Variants in PLD1 observed in about 807,000 individuals in gnomAD.
PLD1 encodes the protein phospholipase D1.
PLD1 carries 112 observed loss-of-function variants against 137.1 expected under a neutral mutation model. The ratio of observed to expected loss-of-function variants is 0.82; its 90% confidence interval spans 0.70 to 0.96. The LOEUF (loss-of-function observed/expected upper bound fraction) is 0.96, where lower values mean the gene tolerates loss of function less well. Ranked by LOEUF, PLD1 falls within the 40% of genes least tolerant of loss-of-function variation. The pLI is 0.00. For synonymous variants in PLD1, 431 were observed against 454.7 expected (o/e 0.95, Z 0.66); for missense variants, 1,321 against 1,342.0 (o/e 0.98, Z 0.24).
At chr3:171,681,603 GT>G (rs1229565895) in intron 16 of PLD1, among the ~76,000 whole-genome samples, 1 of 151,970 alleles carries the variant, frequency 6.6e-6, no homozygotes, top group African/African-American at 2.4e-5. Flanking sequence ...AAATATTTTG[GT>G]TTTCAAAATT....
intron 16 of PLD1, among the ~76,000 whole-genome samples, chr3:171,684,055 G>C (rs1262256219): frequency 6.6e-6 from 1 of 152,090 alleles, no homozygotes; most frequent in African/African-American, 2.4e-5. Flanking sequence ...CAGTTTATCA[G>C]TGAGGGGTTG....
chr3:171,791,382 T>A (rs1723205803), intron 1 of PLD1, among the ~76,000 whole-genome samples: 1 of 152,192 alleles, frequency 6.6e-6, no homozygotes, highest in Admixed American at 6.5e-5. Flanking sequence ...AGCCTATAAT[T>A]CAGTTCAGGA....
chr3:171,775,459 GAATA>G (rs1258176141), intron 1 of PLD1, among the ~76,000 whole-genome samples: 1 of 152,084 alleles, frequency 6.6e-6, no homozygotes, highest in African/African-American at 2.4e-5. Context: ...TAATTTTACA[GAATA>G]AATATTCTGT....
intron 21 of PLD1, among the ~76,000 whole-genome samples, chr3:171,645,311 T>TA (rs1359806520): frequency 6.6e-6 from 1 of 152,124 alleles, no homozygotes; most frequent in African/African-American, 2.4e-5. Flanking sequence ...AAATGCAGTG[T>TA]AAGAAATCCT....
chr3:171,605,248 G>C (rs371142278), intron 26 of PLD1, 51 bp downstream of exon 26: 2 of 1,006,152 alleles, frequency 2.0e-6, no homozygotes, highest in Admixed American at 1.7e-5. Flanking sequence ...TATGCTTTTT[G>C]TGATGAGATT....
At chr3:171,787,954 C>T (rs1374142377) in intron 1 of PLD1, among the ~76,000 whole-genome samples, 2 of 151,904 alleles carry the variant, frequency 1.3e-5, no homozygotes, top group Non-Finnish European at 2.9e-5. Context: ...TGCCTATACT[C>T]CCAGCACTTT....
intron 23 of PLD1, among the ~76,000 whole-genome samples, chr3:171,640,894 C>CACTCAACTGTTACACA (rs1735677736): frequency 1.3e-5 from 2 of 152,200 alleles, no homozygotes; most frequent in Non-Finnish European, 2.9e-5. Flanking sequence ...CTGTTACTGC[C>CACTCAACTGTTACACA]TCTTCAGTCA....
chr3:171,733,801 CTTGCTATAAGTTGTTT>C (rs1386517225), intron 5 of PLD1, among the ~76,000 whole-genome samples: 29 of 152,166 alleles, frequency 1.9e-4, no homozygotes, highest in Admixed American at 5.2e-4. Flanking sequence ...TATAGCAGGA[CTTGCTATAAGTTGTTT>C]TAAAGCATTT....
chr3:171,654,799 GT>G (rs142968390), intron 21 of PLD1, among the ~76,000 whole-genome samples: 9,605 of 148,888 alleles, frequency 0.065, 918 homozygotes, highest in African/African-American at 0.21. Context: ...TTTGTTTTTT[GT>G]TTTTTTTTTA....
chr3:171,663,654 C>T (rs1388751157), intron 19 of PLD1, among the ~76,000 whole-genome samples: 1 of 152,144 alleles, frequency 6.6e-6, no homozygotes. Flanking sequence ...CACTCAGCAA[C>T]CATTGGTCAT....
intron 11 of PLD1, among the ~76,000 whole-genome samples, chr3:171,704,201 C>A (rs928231693): frequency 1.3e-5 from 2 of 152,068 alleles, no homozygotes; most frequent in Non-Finnish European, 2.9e-5. Flanking sequence ...ACCGAAGTCC[C>A]AGAAGGGCCA....
intron 19 of PLD1, among the ~76,000 whole-genome samples, chr3:171,667,429 T>C (rs1712261274): frequency 6.6e-6 from 1 of 152,206 alleles, no homozygotes; most frequent in African/African-American, 2.4e-5. Flanking sequence ...ATTCCTTTCC[T>C]GAACAAAAGA....
At chr3:171,747,490 C>T (rs532395769) in intron 1 of PLD1, among the ~76,000 whole-genome samples, 124 of 147,048 alleles carry the variant, frequency 8.4e-4, no homozygotes, top group Non-Finnish European at 1.6e-3. Context: ...TTTTTCTCCT[C>T]TAGAATTATA....
chr3:171,732,427 C>T (rs752538529), intron 6 of PLD1, among the ~76,000 whole-genome samples: 15 of 152,168 alleles, frequency 9.9e-5, no homozygotes, highest in Non-Finnish European at 1.2e-4. Context: ...TGACCTGGAT[C>T]CAGGTCACCT....
At chr3:171,626,451 TC>T (rs1734116402) in intron 23 of PLD1, among the ~76,000 whole-genome samples, 1 of 152,062 alleles carries the variant, frequency 6.6e-6, no homozygotes, top group Non-Finnish European at 1.5e-5. Flanking sequence ...CAGGAGAACT[TC>T]CCCAATCTAG....
intron 1 of PLD1, among the ~76,000 whole-genome samples, chr3:171,773,807 G>A (rs905074279): frequency 4.6e-5 from 7 of 152,024 alleles, no homozygotes; most frequent in African/African-American, 1.7e-4. Flanking sequence ...GGACTGCAGT[G>A]GCGCTGTCTC....
chr3:171,753,287 G>A (rs958135517), intron 1 of PLD1, among the ~76,000 whole-genome samples: 6 of 152,138 alleles, frequency 3.9e-5, no homozygotes, highest in African/African-American at 7.2e-5. Flanking sequence ...ATCCTGTGAC[G>A]ACATTCCCAA....
intron 8 of PLD1, among the ~76,000 whole-genome samples, chr3:171,715,952 G>C (rs1454631394): frequency 7.0e-6 from 1 of 141,920 alleles, no homozygotes; most frequent in East Asian, 2.2e-4. Flanking sequence ...CCTAGTATCT[G>C]TTGTTGCCGT....
Position 171,726,395 on chromosome 3 carries a change from G to A in PLD1, c.607-319C>T, listed in dbSNP as rs531536214. Among the ~76,000 whole-genome samples the A allele has an allele frequency of 3.6e-3, 553 of 152,202 alleles. 2 individuals carry two copies. Among genetic ancestry groups the A allele is most frequent in the Non-Finnish European group, 4.5e-3 (307 of 68,002 alleles). ...TCTTTCATGTTTGTTTTTGTTGCAC[G>A]GGATGGATATTGTGTGGCACAGTGT... On this transcript the variant is annotated intron_variant, in intron 6 of 26. Transcript: ENST00000351298.
Sources: gnomAD v4.1 joint callset for allele counts (sites outside exome capture counted in the v4.1 genomes callset) on GRCh38, gnomAD v4.1.1 for gene constraint, MANE v1.5 for transcripts, NCBI Gene and HGNC (gene_info 2026-07-23, HGNC 2026-07-21) for gene names.